The following NLK variants were observed in gnomAD, a reference collection of about 807,000 sequenced individuals.
The protein encoded by NLK is serine/threonine-protein kinase NLK.
NLK carries 11 observed loss-of-function variants against 59.0 expected under a neutral mutation model. The observed-to-expected ratio is 0.19, with a 90% CI of 0.12 to 0.31. The LOEUF (loss-of-function observed/expected upper bound fraction) is 0.31, where lower values mean the gene tolerates loss of function less well. Among genes scored for constraint, NLK ranks in the 10% least tolerant of loss-of-function variants. The pLI, the probability that NLK is intolerant of heterozygous loss-of-function variation, is 1.00. For synonymous variants in NLK, 235 were observed against 235.9 expected (o/e 1.00, Z 0.03); for missense variants, 410 against 661.1 (o/e 0.62, Z 4.16).
intron 1 of NLK, among the ~76,000 whole-genome samples, chr17:28,045,655 A>G (rs957927513): frequency 1.3e-5 from 2 of 152,132 alleles, no homozygotes; most frequent in African/African-American, 4.8e-5. Flanking sequence ...TTATATTTAC[A>G]TGTCAATGAC....
intron 3 of NLK, among the ~76,000 whole-genome samples, chr17:28,159,454 T>A (rs1907916041): frequency 1.3e-5 from 2 of 152,236 alleles, no homozygotes; most frequent in African/African-American, 4.8e-5. Context: ...GGGTCATCTC[T>A]GCGTAATTTT....
intron 1 of NLK, among the ~76,000 whole-genome samples, chr17:28,049,485 G>A (rs757867245): frequency 4.0e-4 from 61 of 152,188 alleles, no homozygotes; most frequent in African/African-American, 1.3e-3. Context: ...ATAATTTTGC[G>A]AACCTCTATT....
intron 1 of NLK, among the ~76,000 whole-genome samples, chr17:28,111,902 T>TG (rs1252506315): frequency 3.3e-3 from 319 of 96,158 alleles, no homozygotes; most frequent in Non-Finnish European, 3.8e-3. Context: ...GTGTGGTGTG[T>TG]GTGTGTGTGT....
chr17:28,094,331 A>G (rs1904620405), intron 1 of NLK, among the ~76,000 whole-genome samples: 1 of 152,218 alleles, frequency 6.6e-6, no homozygotes, highest in African/African-American at 2.4e-5. Flanking sequence ...ACCTACAAGC[A>G]AGAACACATT....
chr17:28,135,726 A>G (rs1906717975), intron 3 of NLK, among the ~76,000 whole-genome samples: 2 of 152,380 alleles, frequency 1.3e-5, no homozygotes, highest in East Asian at 1.9e-4. Context: ...AATAAATGCC[A>G]AAGATATTTA....
intron 2 of NLK, among the ~76,000 whole-genome samples, chr17:28,126,790 T>C (rs1277038620): frequency 6.6e-6 from 1 of 152,180 alleles, no homozygotes; most frequent in African/African-American, 2.4e-5. Flanking sequence ...TTTCTAAAAA[T>C]TGGTGTTTAG....
intron 1 of NLK, among the ~76,000 whole-genome samples, chr17:28,070,235 CA>C (rs937706386): frequency 8.2e-5 from 12 of 146,878 alleles, no homozygotes; most frequent in African/African-American, 2.8e-4. Flanking sequence ...GACTGTGTCT[CA>C]AAAAAAAAGA....
At chr17:28,135,330 G>A (rs1231430404) in intron 3 of NLK, among the ~76,000 whole-genome samples, 1 of 152,166 alleles carries the variant, frequency 6.6e-6, no homozygotes, top group East Asian at 1.9e-4. Flanking sequence ...TTTATTGTGG[G>A]TCAGTCACAT....
At chr17:28,070,885 A>G (rs1909984495) in intron 1 of NLK, among the ~76,000 whole-genome samples, 1 of 152,180 alleles carries the variant, frequency 6.6e-6, no homozygotes, top group Non-Finnish European at 1.5e-5. Flanking sequence ...AATTGACTAT[A>G]TAAATATAGT....
chr17:28,115,090 A>G (rs1905704858), intron 1 of NLK, among the ~76,000 whole-genome samples: 1 of 152,202 alleles, frequency 6.6e-6, no homozygotes, highest in Non-Finnish European at 1.5e-5. Context: ...CAGTGAGGCT[A>G]GTTCTGCAAG....
At chr17:28,201,523 G>A in the NLK span, among the ~76,000 whole-genome samples, 28 of 150,822 alleles carry the variant, frequency 1.9e-4, no homozygotes, top group African/African-American at 4.9e-4. Context: ...CAGCCCAGGC[G>A]ACAGTGAGAT....
At chr17:28,174,970 T>C (rs1179452232) in intron 7 of NLK, among the ~76,000 whole-genome samples, 3 of 151,804 alleles carry the variant, frequency 2.0e-5, no homozygotes, top group Non-Finnish European at 4.4e-5. Flanking sequence ...TTATATTTGG[T>C]ATGTAGCCAC....
chr17:28,137,306 G>A (rs1057439029), intron 3 of NLK, among the ~76,000 whole-genome samples: 1 of 152,090 alleles, frequency 6.6e-6, no homozygotes, highest in Non-Finnish European at 1.5e-5. Context: ...TTAGTATATC[G>A]TTATACATCT....
intron 1 of NLK, among the ~76,000 whole-genome samples, chr17:28,091,490 T>C (rs932613188): frequency 2.2e-4 from 33 of 150,394 alleles, no homozygotes; most frequent in South Asian, 1.2e-3. Context: ...TATATATATA[T>C]ACACACACAC....
chr17:28,198,870 A>G (rs1044766837), downstream of NLK, among the ~76,000 whole-genome samples: 3 of 152,212 alleles, frequency 2.0e-5, no homozygotes, highest in East Asian at 5.8e-4. Flanking sequence ...TCCTGAGAGA[A>G]AACCCCTGGA....
intron 7 of NLK, among the ~76,000 whole-genome samples, chr17:28,183,837 A>G (rs761611652): frequency 6.6e-6 from 1 of 152,186 alleles, no homozygotes; most frequent in Non-Finnish European, 1.5e-5. Flanking sequence ...AGAACTTTCA[A>G]AGCTTGAGGA....
intron 3 of NLK, among the ~76,000 whole-genome samples, chr17:28,135,083 T>C (rs1906684879): frequency 6.6e-6 from 1 of 152,208 alleles, no homozygotes; most frequent in South Asian, 2.1e-4. Context: ...TTTTAGTTGG[T>C]GGGAAAGAAA....
intron 5 of NLK, among the ~76,000 whole-genome samples, chr17:28,165,164 G>A (rs992300822): frequency 1.5e-4 from 23 of 151,428 alleles, no homozygotes; most frequent in Admixed American, 7.2e-4. Flanking sequence ...CCCCATAATC[G>A]TTTTTTAATT....
intron 1 of NLK, among the ~76,000 whole-genome samples, chr17:28,043,650 G>A (rs1242960372): frequency 6.6e-6 from 1 of 152,212 alleles, no homozygotes; most frequent in South Asian, 2.1e-4. Context: ...TTCCTACGAA[G>A]ACCTTGGTCA....
Sources: allele counts gnomAD v4.1 joint callset (sites outside exome capture counted in the v4.1 genomes callset), GRCh38; gene constraint gnomAD v4.1.1; transcripts MANE v1.5; gene names NCBI Gene and HGNC (gene_info 2026-07-23, HGNC 2026-07-21).